The following TMEM178B variants were observed in gnomAD, a reference collection of about 807,000 sequenced individuals.
The protein encoded by TMEM178B is transmembrane protein 178B.
A neutral mutation model predicts 31.0 loss-of-function variants in TMEM178B; 5 were observed. The ratio of observed to expected loss-of-function variants is 0.16; its 90% CI spans 0.08 to 0.34. TMEM178B has a LOEUF of 0.34. TMEM178B is among the 10% of genes least tolerant of loss of function. The probability of loss-of-function intolerance (pLI) is 1.00; values close to 1 mark genes in which losing one functional copy is unlikely to be tolerated. For synonymous variants in TMEM178B, 164 were observed against 164.0 expected, an observed-to-expected ratio of 1.00 and a Z score of 0.00; for missense variants, 275 against 400.3, an observed-to-expected ratio of 0.69 and a Z score of 2.67.
intron 2 of TMEM178B, among the ~76,000 whole-genome samples, chr7:141,412,794 C>T (rs541706523): frequency 7.9e-5 from 12 of 152,216 alleles, no homozygotes; most frequent in Admixed American, 5.9e-4. Flanking sequence ...CTCTCACATT[C>T]TGAGGGGAGG....
chr7:141,109,633 G>C (rs991030112), intron 1 of TMEM178B, among the ~76,000 whole-genome samples: 2 of 152,168 alleles, frequency 1.3e-5, no homozygotes, highest in African/African-American at 2.4e-5. Context: ...AACCCCCCTT[G>C]TCTAGGACGG....
intron 2 of TMEM178B, among the ~76,000 whole-genome samples, chr7:141,342,985 G>A (rs1403251754): frequency 6.6e-6 from 1 of 152,196 alleles, no homozygotes; most frequent in Admixed American, 6.5e-5. Context: ...AACTTTAGCT[G>A]TATGGGACTC....
chr7:141,240,835 C>G (rs1258244059), intron 2 of TMEM178B, among the ~76,000 whole-genome samples: 2 of 152,202 alleles, frequency 1.3e-5, no homozygotes, highest in Non-Finnish European at 2.9e-5. Context: ...CTTTCCTCCT[C>G]CTTGTGATTT....
chr7:141,116,151 A>C (rs1309694979), intron 1 of TMEM178B, among the ~76,000 whole-genome samples: 1 of 152,160 alleles, frequency 6.6e-6, no homozygotes, highest in Non-Finnish European at 1.5e-5. Context: ...CCTTTGTTTG[A>C]ACAGCTGGCC....
intron 3 of TMEM178B, among the ~76,000 whole-genome samples, chr7:141,454,409 G>A (rs946416079): frequency 6.6e-5 from 10 of 152,234 alleles, no homozygotes; most frequent in South Asian, 2.1e-4. Flanking sequence ...AGCCAAGCAC[G>A]TGGGGCCCAG....
chr7:141,320,800 G>A (rs1372206052), intron 2 of TMEM178B, among the ~76,000 whole-genome samples: 1 of 152,152 alleles, frequency 6.6e-6, no homozygotes, highest in Non-Finnish European at 1.5e-5. Flanking sequence ...GCATAAAGAG[G>A]TAAGATAACT....
intron 2 of TMEM178B, among the ~76,000 whole-genome samples, chr7:141,406,326 T>C (rs1365444859): frequency 6.6e-6 from 1 of 152,154 alleles, no homozygotes; most frequent in South Asian, 2.1e-4. Flanking sequence ...CCTGCCTCTT[T>C]CCATTGATGA....
intron 1 of TMEM178B, among the ~76,000 whole-genome samples, chr7:141,201,530 G>T (rs1177147117): frequency 1.3e-5 from 2 of 152,162 alleles, no homozygotes; most frequent in Non-Finnish European, 2.9e-5. Context: ...TTTTACATGG[G>T]TTATCTCATT....
chr7:141,207,656 T>C (rs893570682), intron 1 of TMEM178B, among the ~76,000 whole-genome samples: 5 of 152,202 alleles, frequency 3.3e-5, no homozygotes, highest in African/African-American at 9.7e-5. Flanking sequence ...TTGGGTTAAA[T>C]TGTCCTTTTT....
intron 1 of TMEM178B, among the ~76,000 whole-genome samples, chr7:141,179,129 A>G (rs1045602662): frequency 6.6e-6 from 1 of 152,202 alleles, no homozygotes; most frequent in Admixed American, 6.5e-5. Context: ...CCACTGGTCT[A>G]TAGAATAAGA....
At chr7:141,135,181 C>T (rs1028417930) in intron 1 of TMEM178B, among the ~76,000 whole-genome samples, 7 of 152,052 alleles carry the variant, frequency 4.6e-5, no homozygotes, top group African/African-American at 1.2e-4. Context: ...GAAGATATAA[C>T]GATTTTAAAT....
At chr7:141,464,452 C>A (rs1267318944) in intron 3 of TMEM178B, among the ~76,000 whole-genome samples, 1 of 152,142 alleles carries the variant, frequency 6.6e-6, no homozygotes, top group Non-Finnish European at 1.5e-5. Context: ...GTCTCTTCAC[C>A]CTCAGTCTGA....
chr7:141,280,422 G>A (rs770435605), intron 2 of TMEM178B, among the ~76,000 whole-genome samples: 7 of 152,086 alleles, frequency 4.6e-5, no homozygotes, highest in African/African-American at 1.4e-4. Context: ...TACTGTTCTC[G>A]TGGTAGTGTA....
At chr7:141,224,136 A>T (rs1345529897) in intron 2 of TMEM178B, among the ~76,000 whole-genome samples, 1 of 152,144 alleles carries the variant, frequency 6.6e-6, no homozygotes, top group Non-Finnish European at 1.5e-5. Context: ...GTGTGCTGCC[A>T]TGTTAAGACG....
chr7:141,210,331 G>T (rs1281057271), intron 1 of TMEM178B, among the ~76,000 whole-genome samples: 1 of 152,156 alleles, frequency 6.6e-6, no homozygotes, highest in Non-Finnish European at 1.5e-5. Context: ...GGATGTGGTG[G>T]CACATGCTTG....
chr7:141,097,789 C>G (rs1332687487), intron 1 of TMEM178B, among the ~76,000 whole-genome samples: 2 of 136,516 alleles, frequency 1.5e-5, no homozygotes, highest in East Asian at 4.1e-4. Flanking sequence ...CTTTTTCTTT[C>G]TTTCTTTTTT....
At chr7:141,345,110 A>G (rs1402567595) in intron 2 of TMEM178B, among the ~76,000 whole-genome samples, 3 of 152,202 alleles carry the variant, frequency 2.0e-5, no homozygotes, top group Admixed American at 1.3e-4. Flanking sequence ...AATTACAGAT[A>G]TATTTCATAT....
chr7:141,183,173 G>A (rs1283441458), intron 1 of TMEM178B, among the ~76,000 whole-genome samples: 5 of 152,178 alleles, frequency 3.3e-5, no homozygotes, highest in Non-Finnish European at 2.9e-5. Context: ...GGACCTCAGA[G>A]TAAACATTTT....
chr7:141,406,801 G>T (rs1348092200), intron 2 of TMEM178B, among the ~76,000 whole-genome samples: 1 of 152,168 alleles, frequency 6.6e-6, no homozygotes, highest in Admixed American at 6.5e-5. Flanking sequence ...TATAACAAGC[G>T]CCACATGACT....
Sources: allele counts gnomAD v4.1 joint callset (sites outside exome capture counted in the v4.1 genomes callset), GRCh38; gene constraint gnomAD v4.1.1; transcripts MANE v1.5; gene names NCBI Gene and HGNC (gene_info 2026-07-23, HGNC 2026-07-21).